The following AJAP1 variants were observed in gnomAD, a reference collection of about 807,000 sequenced individuals.
AJAP1 encodes the protein adherens junctions associated protein 1.
A neutral mutation model predicts 35.0 loss-of-function variants in AJAP1; 5 were observed. That is an observed-to-expected ratio of 0.14 (90% CI 0.07 to 0.30). AJAP1 has a LOEUF of 0.30. Among genes scored for constraint, AJAP1 ranks in the 10% least tolerant of loss-of-function variants. The pLI, the probability that AJAP1 is intolerant of heterozygous loss-of-function variation, is 1.00. For missense variants in AJAP1, 586 were observed against 571.0 expected (o/e 1.03, Z -0.27); for synonymous variants, 284 against 249.3 (o/e 1.14, Z -1.31).
chr1:4,767,173 G>A (rs1028540938), intron 2 of AJAP1, among the ~76,000 whole-genome samples: 2 of 152,104 alleles, frequency 1.3e-5, no homozygotes, highest in African/African-American at 4.8e-5. Flanking sequence ...CCCCTTAGTT[G>A]TAAATTTAAT....
chr1:4,721,692 T>G (rs1418081218), intron 2 of AJAP1, among the ~76,000 whole-genome samples: 1 of 152,034 alleles, frequency 6.6e-6, no homozygotes, highest in East Asian at 1.9e-4. Context: ...TGGGGAATCT[T>G]GGGTTGGGCA....
chr1:4,673,851 G>A (rs1221418015), intron 1 of AJAP1, among the ~76,000 whole-genome samples: 4 of 151,944 alleles, frequency 2.6e-5, no homozygotes, highest in Non-Finnish European at 5.9e-5. Context: ...CTCTGGAGAG[G>A]CTTTACTCCT....
chr1:4,728,180 G>C (rs765613693), intron 2 of AJAP1, among the ~76,000 whole-genome samples: 3 of 152,208 alleles, frequency 2.0e-5, no homozygotes, highest in Non-Finnish European at 4.4e-5. Context: ...GAGGGTCTGT[G>C]GGTGATGGGT....
chr1:4,785,925 C>G lies in AJAP1; in HGVS notation c.*3440C>G, dbSNP rs1642153696. On this transcript the variant is annotated 3_prime_UTR_variant, in exon 6 of 6. Coordinates refer to ENST00000378191, the MANE Select transcript of AJAP1 (RefSeq NM_018836.4). The stretch of plus-strand genomic sequence containing the variant: ...ATTTGCCTTTAAAGCTTAGAAACAG[C>G]TGGGAATGCACTCCTTGTACAGTCC... 1.3e-5 allele frequency: 2 copies of G among 152,194 alleles called. No homozygotes were observed. The highest frequency in any genetic ancestry group is 2.9e-5 in the Non-Finnish European group (2 of 68,036). 9.4% of individuals were successfully genotyped at this position (152,194 alleles called of 1,614,324 possible). A position where few individuals can be genotyped will look rare whatever the true frequency, so the allele number is the denominator to read the frequency against.
Position 4,723,650 on chromosome 1 carries a change from C to T in AJAP1, c.829+10951C>T, listed in dbSNP as rs752598532. On this transcript the variant is annotated intron_variant, in intron 2 of 5. Coordinates refer to ENST00000378191, the MANE Select transcript of AJAP1 (RefSeq NM_018836.4). The surrounding 1 kb of genome is among the most constrained non-coding windows in gnomAD (Gnocchi z 4.3). ...TCCTGCGAGGGCGATGGAAGGGAGA[C>T]GGGAGGTGAGCCGCAGATGCAGTGG... is the stretch of plus-strand genomic sequence containing the variant. 9.2e-4 allele frequency among the ~76,000 whole-genome samples: 140 copies of T among 152,008 alleles called. No individual in the cohort carries two copies. The highest frequency in any genetic ancestry group is 7.4e-4 in the Non-Finnish European group (50 of 67,970).
In AJAP1 at chr1:4,710,332, C is replaced by T. The variant is rs372167666; in HGVS notation, c.30-1568C>T. On this transcript the variant is annotated intron_variant, in intron 1 of 5. Coordinates refer to ENST00000378191, the MANE Select transcript of AJAP1 (RefSeq NM_018836.4). Reference sequence around the variant, plus strand: ...ACAGACACCCTGGCCCTCACTCACGCACAGTCTCTCACACTCGTGGACACA... The same window carrying T: ...ACAGACACCCTGGCCCTCACTCACGTACAGTCTCTCACACTCGTGGACACA... 1.2e-3 allele frequency among the ~76,000 whole-genome samples: 181 copies of T among 152,190 alleles called. 2 individuals carry two copies. Among genetic ancestry groups the T allele is most frequent in the African/African-American group, 4.2e-3 (174 of 41,494 alleles).
In AJAP1 at chr1:4,720,396, C is replaced by A. The variant is rs1187767604; in HGVS notation, c.829+7697C>A. On this transcript the variant is annotated intron_variant, in intron 2 of 5. Coordinates refer to ENST00000378191, the MANE Select transcript of AJAP1 (RefSeq NM_018836.4). This position sits in a 1 kb window ranked among gnomAD's most constrained non-coding sequence, Gnocchi z 4.4. ...GGGGAAGCCAAGTTTGTTGGAGGAA[C>A]AGAGAGGCTGAAAATCTCCCTCCAG... 1.3e-5 allele frequency among the ~76,000 whole-genome samples: 2 copies of A among 152,186 alleles called. No individual in the cohort carries two copies. Among genetic ancestry groups the A allele is most frequent in the Non-Finnish European group, 2.9e-5 (2 of 68,034 alleles).
chr1:4,667,543 C>G (rs1251344792), intron 1 of AJAP1, among the ~76,000 whole-genome samples: 5 of 152,226 alleles, frequency 3.3e-5, no homozygotes. Context: ...GAGTGCACAA[C>G]CTAGATCCCT....
intron 2 of AJAP1, among the ~76,000 whole-genome samples, chr1:4,716,297 A>G (rs543897196): frequency 6.6e-6 from 1 of 152,258 alleles, no homozygotes; most frequent in Non-Finnish European, 1.5e-5. Context: ...CCTGTCTTCA[A>G]ATTCCTGGCT....
At chr1:4,775,189 T>C (rs906466998) in intron 5 of AJAP1, among the ~76,000 whole-genome samples, 10 of 152,338 alleles carry the variant, frequency 6.6e-5, no homozygotes, top group Middle Eastern at 6.8e-3. Flanking sequence ...ATATTAACTT[T>C]AATGCTAACG....
chr1:4,753,794 A>T (rs534723332), intron 2 of AJAP1, among the ~76,000 whole-genome samples: 1 of 152,006 alleles, frequency 6.6e-6, no homozygotes, highest in South Asian at 2.1e-4. Context: ...CTGGTCTCGA[A>T]CTCCTGACCT....
chr1:4,775,907 C>T lies in AJAP1; in HGVS notation c.*59+1349C>T, dbSNP rs543420227. Among the ~76,000 whole-genome samples, 417 of 152,342 alleles carry T rather than the reference C, an allele frequency of 2.7e-3. 2 individuals carry two copies. The highest frequency in any genetic ancestry group is 4.4e-3 in the Non-Finnish European group (301 of 68,026). ...ATGAAGGGAGCCCCTACTGGAGTGC[C>T]AACCAAGCTAGCCGCAGGGAGCTGG... is the stretch of plus-strand genomic sequence containing the variant. On this transcript the variant is annotated intron_variant, in intron 5 of 5. Coordinates refer to ENST00000378191, the MANE Select transcript of AJAP1 (RefSeq NM_018836.4).
At chr1:4,705,703 G>A (rs1640087816) in intron 1 of AJAP1, among the ~76,000 whole-genome samples, 1 of 152,018 alleles carries the variant, frequency 6.6e-6, no homozygotes, top group African/African-American at 2.4e-5. Context: ...ATCAATCAAT[G>A]AAGAGGAGCA....
chr1:4,727,937 C>T (rs934482449), intron 2 of AJAP1, among the ~76,000 whole-genome samples: 5 of 152,214 alleles, frequency 3.3e-5, no homozygotes, highest in Admixed American at 2.0e-4. Flanking sequence ...CAGGTGATTG[C>T]AGATGACAGC....
intron 2 of AJAP1, among the ~76,000 whole-genome samples, chr1:4,740,052 G>A (rs919822243): frequency 6.6e-6 from 1 of 152,136 alleles, no homozygotes; most frequent in African/African-American, 2.4e-5. Flanking sequence ...GTCTCAGAGA[G>A]ATGTGCGCAT....
At chr1:4,711,877 T>C in intron 1 of AJAP1, 23 bp from the exon 2 acceptor site, 1 of 1,441,738 alleles carries the variant, frequency 6.9e-7, no homozygotes, top group Non-Finnish European at 9.1e-7. Flanking sequence ...TGACCGCTCT[T>C]CTCTCCTTTC....
chr1:4,718,054 G>A (rs1474115209), intron 2 of AJAP1, among the ~76,000 whole-genome samples: 1 of 152,130 alleles, frequency 6.6e-6, no homozygotes, highest in African/African-American at 2.4e-5. Context: ...CCTAAACTTT[G>A]TAGACAGCAA....
At chr1:4,763,072 C>T (rs1201284325) in intron 2 of AJAP1, among the ~76,000 whole-genome samples, 1 of 152,158 alleles carries the variant, frequency 6.6e-6, no homozygotes, top group Non-Finnish European at 1.5e-5. Context: ...TGGGGGTGAC[C>T]CTCCAACCCA....
chr1:4,687,243 C>T (rs1639625765), intron 1 of AJAP1, among the ~76,000 whole-genome samples: 1 of 152,230 alleles, frequency 6.6e-6, no homozygotes, highest in African/African-American at 2.4e-5. Context: ...CCACCATGGG[C>T]ACTCGCTATG....
Sources: allele counts gnomAD v4.1 joint callset (sites outside exome capture counted in the v4.1 genomes callset), GRCh38; gene constraint gnomAD v4.1.1; non-coding constraint Gnocchi (gnomAD v3.1); transcripts MANE v1.5; gene names NCBI Gene and HGNC (gene_info 2026-07-23, HGNC 2026-07-21).